Variants in IQCJ observed in about 807,000 individuals in gnomAD.
The protein encoded by IQCJ is IQ motif containing J, also known as IQ domain-containing protein J.
Under a neutral mutation model 11.0 loss-of-function variants are expected in IQCJ, and 9 were observed. The ratio of observed to expected loss-of-function variants is 0.82; its 90% CI spans 0.49 to 1.43. The LOEUF (loss-of-function observed/expected upper bound fraction) is 1.43, where lower values mean the gene tolerates loss of function less well. Among genes scored for constraint, IQCJ ranks in the 40% most tolerant of loss-of-function variants. IQCJ has a pLI of 0.00. For missense variants in IQCJ, 146 were observed against 133.2 expected, an observed-to-expected ratio of 1.10 and a Z score of -0.47; for synonymous variants, 55 against 51.3, an observed-to-expected ratio of 1.07 and a Z score of -0.31.
chr3:159,158,194 A>C (rs537325335), intron 1 of IQCJ, among the ~76,000 whole-genome samples: 1 of 152,180 alleles, frequency 6.6e-6, no homozygotes, highest in Admixed American at 6.5e-5. Context: ...AAAAACTACA[A>C]ATCTTTTTAA....
At chr3:159,102,700 G>A (rs189688690) in intron 1 of IQCJ, among the ~76,000 whole-genome samples, 2 of 152,302 alleles carry the variant, frequency 1.3e-5, no homozygotes, top group East Asian at 3.9e-4. Context: ...TAGGAGATGT[G>A]CAATCAGAAC....
chr3:159,240,164 G>A (rs1002780031), intron 1 of IQCJ, among the ~76,000 whole-genome samples: 1 of 152,128 alleles, frequency 6.6e-6, no homozygotes, highest in Non-Finnish European at 1.5e-5. Context: ...GGACTAAAGA[G>A]TAAGTTTTAC....
At chr3:159,199,310 A>C (rs1724176059) in intron 1 of IQCJ, among the ~76,000 whole-genome samples, 2 of 152,370 alleles carry the variant, frequency 1.3e-5, no homozygotes, top group Admixed American at 6.5e-5. Flanking sequence ...TCATAATTAA[A>C]GAAAAAGTTG....
chr3:159,228,782 G>A (rs1307462892), intron 1 of IQCJ, among the ~76,000 whole-genome samples: 2 of 143,968 alleles, frequency 1.4e-5, no homozygotes, highest in Non-Finnish European at 1.5e-5. Flanking sequence ...CAGCCTGGGC[G>A]ACAGAGCGAG....
intron 1 of IQCJ, among the ~76,000 whole-genome samples, chr3:159,239,497 C>T (rs1256638461): frequency 6.6e-6 from 1 of 152,186 alleles, no homozygotes; most frequent in Non-Finnish European, 1.5e-5. Context: ...ACCACAGCCA[C>T]ATCTTGGAGA....
At chr3:159,150,599 C>G (rs1482062236) in intron 1 of IQCJ, among the ~76,000 whole-genome samples, 1 of 151,330 alleles carries the variant, frequency 6.6e-6, no homozygotes, top group South Asian at 2.1e-4. Context: ...CACACACACA[C>G]ACACACACAC....
intron 1 of IQCJ, among the ~76,000 whole-genome samples, chr3:159,102,813 A>G (rs1443659881): frequency 6.6e-6 from 1 of 152,196 alleles, no homozygotes; most frequent in Non-Finnish European, 1.5e-5. Context: ...AGGAATTAAA[A>G]TTCCTGGTGA....
intron 1 of IQCJ, among the ~76,000 whole-genome samples, chr3:159,169,961 C>T (rs1722402737): frequency 6.6e-6 from 1 of 152,126 alleles, no homozygotes; most frequent in South Asian, 2.1e-4. Flanking sequence ...GATTGTCTTC[C>T]ACCCATTTCT....
chr3:159,123,149 G>A (rs1362334012), intron 1 of IQCJ, among the ~76,000 whole-genome samples: 1 of 152,074 alleles, frequency 6.6e-6, no homozygotes, highest in East Asian at 1.9e-4. Context: ...AATAAGCAGC[G>A]GGTTGGACAC....
chr3:159,160,020 C>A (rs963799153), intron 1 of IQCJ, among the ~76,000 whole-genome samples: 1 of 152,186 alleles, frequency 6.6e-6, no homozygotes, highest in Non-Finnish European at 1.5e-5. Flanking sequence ...CTCAGGTATT[C>A]CTTTGCAAAT....
chr3:159,222,810 C>A (rs1577091659), intron 1 of IQCJ, among the ~76,000 whole-genome samples: 1 of 149,920 alleles, frequency 6.7e-6, no homozygotes, highest in Non-Finnish European at 1.5e-5. Flanking sequence ...ATATTGTACG[C>A]CTTAATACAA....
intron 1 of IQCJ, among the ~76,000 whole-genome samples, chr3:159,089,107 C>G (rs1007856492): frequency 3.9e-5 from 6 of 152,070 alleles, no homozygotes; most frequent in African/African-American, 9.7e-5. Flanking sequence ...TCTTTTAGGG[C>G]AGGCCTGGTG....
intron 1 of IQCJ, among the ~76,000 whole-genome samples, chr3:159,197,001 G>C (rs947128579): frequency 6.7e-6 from 1 of 148,782 alleles, no homozygotes; most frequent in Non-Finnish European, 1.5e-5. Flanking sequence ...AACAAATGTT[G>C]ATCATTTTCT....
At chr3:159,264,623 G>T (rs932474643), downstream of IQCJ, among the ~76,000 whole-genome samples, 6 of 152,108 alleles carry the variant, frequency 3.9e-5, no homozygotes, top group African/African-American at 1.2e-4. Flanking sequence ...GCTCACCCAT[G>T]ATTGCCTATA....
chr3:159,209,642 G>C (rs1244906451), intron 1 of IQCJ, among the ~76,000 whole-genome samples: 1 of 152,146 alleles, frequency 6.6e-6, no homozygotes, highest in Non-Finnish European at 1.5e-5. Flanking sequence ...CTGTGGGCGG[G>C]TACGGGGGGT....
At chr3:159,154,412 T>G (rs1239597157) in intron 1 of IQCJ, among the ~76,000 whole-genome samples, 4 of 152,166 alleles carry the variant, frequency 2.6e-5, no homozygotes, top group Non-Finnish European at 5.9e-5. Context: ...TAGAATAAAA[T>G]ATTTAAATTA....
At chr3:159,203,644 C>T (rs1724480771) in intron 1 of IQCJ, among the ~76,000 whole-genome samples, 1 of 151,948 alleles carries the variant, frequency 6.6e-6, no homozygotes, top group Admixed American at 6.6e-5. Flanking sequence ...GAGGTGGGTG[C>T]TGTATCAGTG....
intron 1 of IQCJ, chr3:159,069,892 T>G: frequency 3.5e-6 from 1 of 282,336 alleles, no homozygotes; most frequent in African/African-American, 2.3e-5. Context: ...TGTGTGCGTG[T>G]GTATGGGGAG....
At chr3:159,224,668 GC>G (rs1354765909) in intron 1 of IQCJ, among the ~76,000 whole-genome samples, 2 of 152,120 alleles carry the variant, frequency 1.3e-5, no homozygotes, top group African/African-American at 4.8e-5. Context: ...TAATGCCTCT[GC>G]AAAAGATCAG....
Sources: allele counts gnomAD v4.1 joint callset (sites outside exome capture counted in the v4.1 genomes callset), GRCh38; gene constraint gnomAD v4.1.1; transcripts MANE v1.5; gene names NCBI Gene and HGNC (gene_info 2026-07-23, HGNC 2026-07-21).